The following CDK19 variants were observed in gnomAD, a reference collection of about 807,000 sequenced individuals.
CDK19 encodes cyclin-dependent kinase 19.
A neutral mutation model predicts 68.3 loss-of-function variants in CDK19; 20 were observed. That is an observed-to-expected ratio of 0.29 (90% CI 0.21 to 0.43). The LOEUF is 0.43. Among genes scored for constraint, CDK19 ranks in the 20% least tolerant of loss-of-function variants. The pLI is 1.00. For synonymous variants in CDK19, 221 were observed against 222.8 expected (o/e 0.99, Z 0.07); for missense variants, 339 against 623.5 (o/e 0.54, Z 4.86).
chr6:110,650,049 TA>T (rs137909946), intron 4 of CDK19, among the ~76,000 whole-genome samples: 1 of 151,988 alleles, frequency 6.6e-6, no homozygotes. Flanking sequence ...AAAACAGCAA[TA>T]AAAAAATCAC....
chr6:110,730,977 G>A (rs1354152157), intron 2 of CDK19, among the ~76,000 whole-genome samples: 1 of 151,872 alleles, frequency 6.6e-6, no homozygotes, highest in Admixed American at 6.6e-5. Context: ...ATTTGAACCT[G>A]GGAGGCAGAG....
rs951853689 is a variant in CDK19, at chr6:110,731,765, T to TCTATCCTATTTGCATAGA, written c.204+14343_204+14360dup. 3.9e-5 allele frequency among the ~76,000 whole-genome samples: 6 copies of TCTATCCTATTTGCATAGA among 152,304 alleles called. 1 individual carries two copies. The East Asian group carries it at 7.7e-4, about 20-fold the overall frequency. On this transcript the variant is annotated intron_variant, in intron 2 of 12. Coordinates refer to ENST00000368911, the MANE Select transcript of CDK19 (RefSeq NM_015076.5). ...CATTCTCTTGAATAAAACCATTCAA[T>TCTATCCTATTTGCATAGA]CTATCCTATTTGCATAGACTATCCT... is the stretch of plus-strand genomic sequence containing the variant.
intron 2 of CDK19, among the ~76,000 whole-genome samples, chr6:110,708,518 T>C (rs1408778859): frequency 6.6e-6 from 1 of 152,122 alleles, no homozygotes; most frequent in Non-Finnish European, 1.5e-5. Context: ...CAGCCCCAGC[T>C]CCCAGCCTGC....
At chr6:110,695,838 T>A (rs1295342737) in intron 2 of CDK19, among the ~76,000 whole-genome samples, 1 of 151,370 alleles carries the variant, frequency 6.6e-6, no homozygotes, top group Non-Finnish European at 1.5e-5. Context: ...AGTACTGAGA[T>A]TAAAATAGTA....
At position 110,614,536 on chromosome 6, in the gene CDK19, C is replaced by A; in HGVS notation, c.1508G>T (p.Ter503LeuextTer34). 6.2e-7 allele frequency: 1 copy of A among 1,613,682 alleles called. No individual in the cohort carries two copies. Among genetic ancestry groups the A allele is most frequent in the South Asian group, 1.1e-5 (1 of 91,002 alleles). The change falls in exon 13 of 13, where the codon TGA (stop) becomes TTA (leucine). Residue 503 changes from the stop codon to leucine, a stop_lost. Coordinates refer to ENST00000368911, the MANE Select transcript of CDK19 (RefSeq NM_015076.5). Reference sequence around the variant, plus strand: ...CTGGCCTGGCCCAACGGGAGCTGGTCAGTACCGGTGGGCCTGGTGAGATGG... The same window carrying A: ...CTGGCCTGGCCCAACGGGAGCTGGTAAGTACCGGTGGGCCTGGTGAGATGG... Reference protein sequence around the residue: ...YHPSHQAHRY* With the variant: ...YHPSHQAHRYL
At chr6:110,623,732 T>C (rs2462488) in intron 8 of CDK19, among the ~76,000 whole-genome samples, 38,065 of 140,664 alleles carry the variant, frequency 0.27, 5,452 homozygotes, top group East Asian at 0.53. Context: ...CTTTTAGTAA[T>C]GGCCAATATA....
At chr6:110,643,161 A>C (rs774485280) in intron 4 of CDK19, 2 of 1,281,696 alleles carry the variant, frequency 1.6e-6, no homozygotes, top group South Asian at 2.5e-5. Flanking sequence ...GTAGAAGCCA[A>C]AGCAAACCCC....
At chr6:110,766,053 A>G (rs1183439042) in intron 1 of CDK19, among the ~76,000 whole-genome samples, 1 of 152,174 alleles carries the variant, frequency 6.6e-6, no homozygotes, top group Admixed American at 6.5e-5. Flanking sequence ...TCCTCAAAAA[A>G]CTGAAAATAG....
chr6:110,689,491 A>G (rs1445989670), intron 2 of CDK19, among the ~76,000 whole-genome samples: 1 of 152,194 alleles, frequency 6.6e-6, no homozygotes, highest in East Asian at 1.9e-4. Flanking sequence ...GAGGCCAATC[A>G]ACACAGTCCA....
At position 110,713,070 on chromosome 6, in the gene CDK19, G is replaced by A. The variant is rs9386938; in HGVS notation, c.204+33056C>T. ...AAATTAGCTGGGCGTGGTGGCGCGC[G>A]CCTGTAATCCCAGCTACTTAGGAGG... On this transcript the variant is annotated intron_variant, in intron 2 of 12. Coordinates refer to ENST00000368911, the MANE Select transcript of CDK19 (RefSeq NM_015076.5). 5.3e-5 allele frequency among the ~76,000 whole-genome samples: 8 copies of A among 151,832 alleles called. No homozygotes were observed. The South Asian group carries it at 1.2e-3, about 24-fold the overall frequency.
chr6:110,728,323 C>T lies in CDK19; in HGVS notation c.204+17803G>A, dbSNP rs912847767. ...AAAAAAGAGAGAGAGAGAAAGAGCA[C>T]ATGCTATCTATTAGAAGTCAAATTA... On this transcript the variant is annotated intron_variant, in intron 2 of 12. Transcript: ENST00000368911. 5.3e-5 allele frequency among the ~76,000 whole-genome samples: 8 copies of T among 151,556 alleles called. No individual in the cohort carries two copies. The East Asian group carries it at 1.4e-3, about 26-fold the overall frequency.
At chr6:110,659,240 C>G (rs1781477290) in intron 4 of CDK19, among the ~76,000 whole-genome samples, 1 of 152,188 alleles carries the variant, frequency 6.6e-6, no homozygotes, top group African/African-American at 2.4e-5. Context: ...TGAAGAGAAG[C>G]TATGCTGCAT....
chr6:110,655,524 C>T (rs1356718004), intron 4 of CDK19, among the ~76,000 whole-genome samples: 1 of 152,110 alleles, frequency 6.6e-6, no homozygotes, highest in Non-Finnish European at 1.5e-5. Flanking sequence ...TAAATTTTTA[C>T]TTTTCCCTGT....
Position 110,614,353 on chromosome 6 carries a change from CTTCT to C in CDK19, c.*178_*181del. On this transcript the variant is annotated 3_prime_UTR_variant, in exon 13 of 13. Transcript: ENST00000368911. ...GGTGCTGGGGAAACTTCACAAGAAT[CTTCT>C]TTAAGTCAATAAAGAAGAGCTATCA... 2.1e-6 allele frequency: 1 copy of C among 472,402 alleles called. No individual in the cohort carries two copies. The highest frequency in any genetic ancestry group is 3.7e-6 in the Non-Finnish European group (1 of 270,726). 29.3% of individuals were successfully genotyped at this position (472,402 alleles called of 1,614,324 possible).
intron 1 of CDK19, among the ~76,000 whole-genome samples, chr6:110,746,476 A>G (rs1221520174): frequency 6.6e-6 from 1 of 152,254 alleles, no homozygotes; most frequent in Non-Finnish European, 1.5e-5. Flanking sequence ...AGTTTCAAAG[A>G]GTAAACAAGC....
intron 4 of CDK19, among the ~76,000 whole-genome samples, chr6:110,645,298 T>C (rs1461291587): frequency 2.6e-5 from 4 of 152,214 alleles, no homozygotes; most frequent in Non-Finnish European, 5.9e-5. Flanking sequence ...TGAAAATTTT[T>C]AAATATTTCT....
rs1447229086 is a variant in CDK19 at position 110,648,943 on chromosome 6, TCCTGACCTCGTGATCCGCTCGG to T, written c.457-10259_457-10238del. Among the ~76,000 whole-genome samples the T allele has an allele frequency of 4.6e-5, 7 of 152,224 alleles. No individual in the cohort carries two copies. In the East Asian group the frequency reaches 1.4e-3, roughly 29 times the overall value. On this transcript the variant is annotated intron_variant, in intron 4 of 12. Coordinates refer to ENST00000368911, the MANE Select transcript of CDK19 (RefSeq NM_015076.5). Reference sequence around the variant, plus strand: ...CATGTTGGTCAGGCTGGTCTCGAACTCCTGACCTCGTGATCCGCTCGGCCTCCCAAAGTGCTGGGATTACAGG... The same window carrying T: ...CATGTTGGTCAGGCTGGTCTCGAACTCCTCCCAAAGTGCTGGGATTACAGG...
chr6:110,614,971 G>A (rs1334445848), intron 12 of CDK19, among the ~76,000 whole-genome samples: 1 of 152,010 alleles, frequency 6.6e-6, no homozygotes, highest in Non-Finnish European at 1.5e-5. Flanking sequence ...CCAATTCTGG[G>A]GTGTAACAAT....
intron 1 of CDK19, among the ~76,000 whole-genome samples, chr6:110,812,233 G>C (rs1783161655): frequency 6.6e-6 from 1 of 151,496 alleles, no homozygotes; most frequent in African/African-American, 2.4e-5. Context: ...CCATTGTCCT[G>C]CCTCAGCCTC....
Sources: gnomAD v4.1 joint callset for allele counts (sites outside exome capture counted in the v4.1 genomes callset) on GRCh38, gnomAD v4.1.1 for gene constraint, MANE v1.5 for transcripts, NCBI Gene and HGNC (gene_info 2026-07-23, HGNC 2026-07-21) for gene names.